Variants in CDC42EP4 observed in about 807,000 individuals in gnomAD.
CDC42EP4 encodes CDC42 effector protein (Rho GTPase binding) 4.
In CDC42EP4, 6 loss-of-function variants were observed where a neutral mutation model predicts 5.6. The observed-to-expected ratio is 1.07, with a 90% confidence interval of 0.59 to 2.12. CDC42EP4 has a LOEUF of 2.12. Among genes scored for constraint, CDC42EP4 ranks in the 30% most tolerant of loss-of-function variants. The pLI is 0.00. For missense variants in CDC42EP4, 490 were observed against 508.6 expected (o/e 0.96, Z 0.35); for synonymous variants, 230 against 224.2 (o/e 1.03, Z -0.23).
chr17:73,308,139 C>T (rs879884521), intron 1 of CDC42EP4, among the ~76,000 whole-genome samples: 5 of 152,298 alleles, frequency 3.3e-5, no homozygotes, highest in South Asian at 2.1e-4. Context: ...AGTTCCCTGC[C>T]GAGAGAGGGC....
chr17:73,288,225 C>T (rs2062143759), intron 1 of CDC42EP4, among the ~76,000 whole-genome samples: 1 of 152,036 alleles, frequency 6.6e-6, no homozygotes, highest in African/African-American at 2.4e-5. Context: ...GCTGGACTCT[C>T]ATCTTCCCAC....
At position 73,286,361 on chromosome 17, in the gene CDC42EP4, A is replaced by G. The variant is rs1435520063; in HGVS notation, c.140T>C (p.Phe47Ser). The G allele has an allele frequency of 1.2e-6, 2 of 1,614,124 alleles. No individual in the cohort carries two copies. The highest frequency in any genetic ancestry group is 2.2e-5 in the East Asian group (1 of 44,878). Residue 47 changes from phenylalanine to serine, a missense_variant, in exon 2 of 2, where the codon TTT becomes TCT. By Grantham distance (155) the Phe-to-Ser change is radical. Coordinates refer to ENST00000335793, the MANE Select transcript of CDC42EP4 (RefSeq NM_012121.5). The surrounding 1 kb of genome is among the most constrained non-coding windows in gnomAD (Gnocchi z 7.7). ...GCTATTGAGGAAGGAGGTGTCCCCA[A>G]AGGCGTCTCCGGCCCGGCCAACGTG... Reference protein sequence around the residue: ...TMHVGRAGDAFGDTSFLNSKA... With the variant: ...TMHVGRAGDASGDTSFLNSKA...
intron 1 of CDC42EP4, among the ~76,000 whole-genome samples, chr17:73,298,420 C>T (rs1344204418): frequency 6.6e-6 from 1 of 152,216 alleles, no homozygotes; most frequent in East Asian, 1.9e-4. Context: ...TCACTCCCAC[C>T]CTACCGGAGA....
At position 73,285,623 on chromosome 17, in the gene CDC42EP4, G is replaced by T; in HGVS notation, c.878C>A (p.Pro293His). Residue 293 changes from proline (P) to histidine (H), a missense_variant, in exon 2 of 2, where the codon CCC becomes CAC. Physicochemically the swap from Pro to His is moderately conservative, Grantham distance 77. Coordinates refer to ENST00000335793, the MANE Select transcript of CDC42EP4 (RefSeq NM_012121.5). The surrounding 1 kb of genome is among the most constrained non-coding windows in gnomAD (Gnocchi z 6.8). ...DEGWAAAAPS[P>H]GSARSMGSHT... ...GCTGCCCATGCTGCGGGCTGAGCCG[G>T]GGCTGGGGGCCGCTGCTGCCCACCC... is the stretch of plus-strand genomic sequence containing the variant. 6.2e-7 allele frequency: 1 copy of T among 1,603,900 alleles called. No homozygotes were observed.
At chr17:73,296,748 C>T (rs941960192) in intron 1 of CDC42EP4, among the ~76,000 whole-genome samples, 6 of 151,208 alleles carry the variant, frequency 4.0e-5, no homozygotes, top group Admixed American at 2.6e-4. Context: ...TTTGGGAGGC[C>T]GAGGAGGGTG....
rs1364703414 is a variant in CDC42EP4, at chr17:73,286,819, G to C, written c.-112-207C>G. On this transcript the variant is annotated intron_variant, in intron 1 of 1. Transcript: ENST00000335793. This position sits in a 1 kb window ranked among gnomAD's most constrained non-coding sequence, Gnocchi z 7.7. The stretch of plus-strand genomic sequence containing the variant: ...AGGAGTGATTTTGCAAATCTGGTTA[G>C]AGTTCCAGTAGCCTCGGACACACTT... 1 of 299,012 alleles carries C rather than the reference G, an allele frequency of 3.3e-6. No individual in the cohort carries two copies. The highest frequency in any genetic ancestry group is 6.2e-6 in the Non-Finnish European group (1 of 160,344). 18.5% of individuals were successfully genotyped at this position (299,012 alleles called of 1,614,324 possible).
intron 1 of CDC42EP4, 80 bp downstream of exon 1, chr17:73,311,813 G>GA (rs924391300): frequency 5.3e-5 from 8 of 151,982 alleles, no homozygotes; most frequent in African/African-American, 1.9e-4. Context: ...CCCACAGGGG[G>GA]ACTCGAGACC....
intron 1 of CDC42EP4, among the ~76,000 whole-genome samples, chr17:73,290,754 C>A (rs553729306): frequency 6.6e-6 from 1 of 152,122 alleles, no homozygotes; most frequent in African/African-American, 2.4e-5. Flanking sequence ...CATGGCGGCA[C>A]GAGCCCCCAG....
At chr17:73,289,853 A>G (rs1385667613) in intron 1 of CDC42EP4, among the ~76,000 whole-genome samples, 1 of 151,858 alleles carries the variant, frequency 6.6e-6, no homozygotes, top group African/African-American at 2.4e-5. Context: ...AAAGGAAGAG[A>G]AGAAAGGAAG....
At chr17:73,297,690 GCT>G (rs1411586890) in intron 1 of CDC42EP4, among the ~76,000 whole-genome samples, 2 of 151,664 alleles carry the variant, frequency 1.3e-5, no homozygotes, top group African/African-American at 4.8e-5. Context: ...ATGGAGTTTT[GCT>G]CTATCGCCCA....
rs777192035 is a variant in CDC42EP4, at chr17:73,285,417, C to A, written c.*13G>T. 1 of 1,536,058 alleles carries A rather than the reference C, an allele frequency of 6.5e-7. No homozygotes were observed. Among genetic ancestry groups the A allele is most frequent in the East Asian group, 2.3e-5 (1 of 43,904 alleles). ...TGCAGCCAAGAGCTCCCGGTGGCCACCCACTGTCCGCCTCACACACGGATT... is the reference window on the plus strand; with the variant it reads ...TGCAGCCAAGAGCTCCCGGTGGCCAACCACTGTCCGCCTCACACACGGATT... On this transcript the variant is annotated 3_prime_UTR_variant, in exon 2 of 2. Coordinates refer to ENST00000335793, the MANE Select transcript of CDC42EP4 (RefSeq NM_012121.5). This position sits in a 1 kb window ranked among gnomAD's most constrained non-coding sequence, Gnocchi z 6.8.
In CDC42EP4 at chr17:73,286,362, A is replaced by C; in HGVS notation, c.139T>G (p.Phe47Val). 1 of 1,614,100 alleles carries C rather than the reference A, an allele frequency of 6.2e-7. No homozygotes were observed. Among genetic ancestry groups the C allele is most frequent in the Non-Finnish European group, 8.5e-7 (1 of 1,180,040 alleles). The change falls in exon 2 of 2, where the codon TTT becomes GTT. Residue 47 changes from phenylalanine to valine, a missense_variant. Transcript: ENST00000335793. This position sits in a 1 kb window ranked among gnomAD's most constrained non-coding sequence, Gnocchi z 7.7. ...TMHVGRAGDAFGDTSFLNSKA... is the reference protein window; with the variant it reads ...TMHVGRAGDAVGDTSFLNSKA... ...CTATTGAGGAAGGAGGTGTCCCCAA[A>C]GGCGTCTCCGGCCCGGCCAACGTGC...
chr17:73,309,845 C>T (rs1337258424), intron 1 of CDC42EP4: 2 of 152,362 alleles, frequency 1.3e-5, no homozygotes, highest in Admixed American at 6.5e-5. Flanking sequence ...TGGGATCTCC[C>T]CAAATTCACT....
At chr17:73,290,015 C>T (rs1323336975) in intron 1 of CDC42EP4, among the ~76,000 whole-genome samples, 1 of 152,180 alleles carries the variant, frequency 6.6e-6, no homozygotes, top group Non-Finnish European at 1.5e-5. Context: ...CCTGGCAAAT[C>T]CTTCAGGCTT....
intron 1 of CDC42EP4, among the ~76,000 whole-genome samples, chr17:73,298,187 G>A (rs1238337318): frequency 6.6e-6 from 1 of 150,960 alleles, no homozygotes; most frequent in African/African-American, 2.4e-5. Context: ...ACTGATGTCT[G>A]TTCTCTCTCT....
intron 1 of CDC42EP4, among the ~76,000 whole-genome samples, chr17:73,287,062 T>C (rs1033285401): frequency 9.2e-5 from 14 of 152,230 alleles, no homozygotes; most frequent in Admixed American, 8.5e-4. Flanking sequence ...TCCTGCTGTC[T>C]AACCTCGATC....
intron 1 of CDC42EP4, among the ~76,000 whole-genome samples, chr17:73,298,869 G>A (rs757230817): frequency 2.0e-5 from 3 of 152,132 alleles, no homozygotes; most frequent in Non-Finnish European, 1.5e-5. Context: ...AAGCAAACTC[G>A]CAAGGAGGCT....
chr17:73,299,162 G>A (rs929650828), intron 1 of CDC42EP4, among the ~76,000 whole-genome samples: 5 of 151,960 alleles, frequency 3.3e-5, no homozygotes, highest in South Asian at 2.1e-4. Context: ...AGTGGCTCAC[G>A]CCTGTAATCC....
At chr17:73,307,760 CTTTT>C (rs539543636) in intron 1 of CDC42EP4, among the ~76,000 whole-genome samples, 5 of 107,178 alleles carry the variant, frequency 4.7e-5, no homozygotes, top group East Asian at 2.8e-4. Context: ...GAATTTCTCT[CTTTT>C]TTTTTTTTTT....
Sources: gnomAD v4.1 joint callset for allele counts (sites outside exome capture counted in the v4.1 genomes callset) on GRCh38, gnomAD v4.1.1 for gene constraint, Gnocchi (gnomAD v3.1) non-coding constraint, MANE v1.5 for transcripts, NCBI Gene and HGNC (gene_info 2026-07-23, HGNC 2026-07-21) for gene names.